SDK1: variants seen among roughly 807,000 people sequenced by gnomAD.
The protein encoded by SDK1 is protein sidekick-1.
SDK1 carries 157 observed loss-of-function variants against 245.5 expected under a neutral mutation model. The ratio of observed to expected loss-of-function variants is 0.64; its 90% CI spans 0.56 to 0.73. SDK1 has a LOEUF of 0.73. SDK1 is among the 30% of genes least tolerant of loss of function. The pLI, the probability that SDK1 is intolerant of heterozygous loss-of-function variation, is 0.00. For synonymous variants in SDK1, 1,647 were observed against 1,278.5 expected (o/e 1.29, Z -6.15); for missense variants, 3,583 against 3,002.3 (o/e 1.19, Z -4.52).
rs905086787 is a variant in SDK1, at chr7:4,241,869, C to G, written c.6207C>G (p.Arg2069=). The change falls in exon 43 of 45, where the codon CGC becomes CGG. Residue 2069 remains arginine (R), a synonymous_variant. Coordinates refer to ENST00000404826, the MANE Select transcript of SDK1 (RefSeq NM_152744.4). ...TTGCTGCCCTGGAGCTCAGCAGCCG[C>G]CACCTCAATGTCAAGAGCACCTTCT... ...GGFAALELSS[R]HLNVKSTFSK... is the part of the protein sequence containing the mutation. The G allele has an allele frequency of 1.9e-6, 3 of 1,614,104 alleles. No homozygotes were observed. The highest frequency in any genetic ancestry group is 2.5e-6 in the Non-Finnish European group (3 of 1,180,040).
intron 5 of SDK1, among the ~76,000 whole-genome samples, chr7:3,894,197 C>A (rs1004752417): frequency 6.6e-6 from 1 of 152,140 alleles, no homozygotes; most frequent in African/African-American, 2.4e-5. Context: ...TAATGTACTA[C>A]CGATGGTATT....
rs1554256842 is a variant in SDK1 at position 3,742,012 on chromosome 7, A to ATATATATATG, written c.714-79437_714-79436insATATATATGT. ...CATATATATATATATATATATATAT[A>ATATATATATG]TGCTGTATTTTTAAACTGATTTTAG... On this transcript the variant is annotated intron_variant, in intron 4 of 44. Coordinates refer to ENST00000404826, the MANE Select transcript of SDK1 (RefSeq NM_152744.4). 1.4e-3 allele frequency among the ~76,000 whole-genome samples: 205 copies of ATATATATATG among 145,276 alleles called. 1 individual carries two copies. The highest frequency in any genetic ancestry group is 2.5e-3 in the Non-Finnish European group (163 of 65,946).
chr7:3,317,145 C>G lies in SDK1; in HGVS notation c.298+15261C>G, dbSNP rs568971741. 1.8e-4 allele frequency among the ~76,000 whole-genome samples: 21 copies of G among 115,160 alleles called. No homozygotes were observed. The South Asian group carries it at 5.7e-3, about 31-fold the overall frequency. The allele number at this position is 115,160 out of a possible 152,430, so 75.5% of individuals were successfully genotyped here. On this transcript the variant is annotated intron_variant, in intron 1 of 44. Coordinates refer to ENST00000404826, the MANE Select transcript of SDK1 (RefSeq NM_152744.4). ...GCAGTGAGCCATGACCGCACCACTG[C>G]ATTCCAACCTGGGCAACAGAGTGAG... is the stretch of plus-strand genomic sequence containing the variant.
At chr7:4,210,422 T>C (rs748491391) in intron 38 of SDK1, among the ~76,000 whole-genome samples, 2 of 152,202 alleles carry the variant, frequency 1.3e-5, no homozygotes, top group Non-Finnish European at 2.9e-5. Context: ...ACTCTCCCTC[T>C]GAAGCCGTGT....
chr7:3,845,835 G>A (rs1165438802), intron 5 of SDK1, among the ~76,000 whole-genome samples: 2 of 152,078 alleles, frequency 1.3e-5, no homozygotes, highest in African/African-American at 2.4e-5. Flanking sequence ...TAAATTACTG[G>A]TACATTTAGA....
At chr7:3,398,726 C>G (rs1778799597) in intron 1 of SDK1, among the ~76,000 whole-genome samples, 2 of 148,606 alleles carry the variant, frequency 1.3e-5, no homozygotes, top group Admixed American at 1.3e-4. Context: ...GGGGGTAAAA[C>G]TTATGAAAGT....
At chr7:3,596,550 C>T (rs762055505) in intron 1 of SDK1, among the ~76,000 whole-genome samples, 3 of 152,168 alleles carry the variant, frequency 2.0e-5, no homozygotes, top group Non-Finnish European at 4.4e-5. Context: ...TTGTGACCAC[C>T]TCCTCACTCC....
At chr7:3,615,838 A>C (rs143856941) in intron 1 of SDK1, among the ~76,000 whole-genome samples, 1 of 143,420 alleles carries the variant, frequency 7.0e-6, no homozygotes, top group African/African-American at 2.5e-5. Context: ...ATGTTCTTTT[A>C]ACAACACAAT....
chr7:4,264,982 G>C (rs1270663619), intron 44 of SDK1, 142 bp from the exon 45 acceptor site: 1 of 1,304,104 alleles, frequency 7.7e-7, no homozygotes, highest in Non-Finnish European at 1.0e-6. Context: ...GGAGGGCCTG[G>C]CATTGGGTTG....
chr7:4,148,288 T>G (rs1780122116), intron 29 of SDK1, among the ~76,000 whole-genome samples: 1 of 152,212 alleles, frequency 6.6e-6, no homozygotes, highest in Non-Finnish European at 1.5e-5. Flanking sequence ...ACGCCACGCA[T>G]TCTAATCAGA....
At chr7:4,258,464 C>T (rs140378767) in intron 44 of SDK1, among the ~76,000 whole-genome samples, 135 of 152,340 alleles carry the variant, frequency 8.9e-4, no homozygotes, top group African/African-American at 3.2e-3. Flanking sequence ...CCCCACCATG[C>T]AGAGACGCTT....
At chr7:3,632,949 A>ATTTCATGTAAG (rs1782342346) in intron 2 of SDK1, among the ~76,000 whole-genome samples, 1 of 152,180 alleles carries the variant, frequency 6.6e-6, no homozygotes, top group Non-Finnish European at 1.5e-5. Context: ...GATTTTTTAA[A>ATTTCATGTAAG]TTTCATGTAG....
At chr7:3,781,625 T>C (rs1023216200) in intron 4 of SDK1, among the ~76,000 whole-genome samples, 2 of 152,002 alleles carry the variant, frequency 1.3e-5, no homozygotes, top group African/African-American at 2.4e-5. Context: ...ATAGTACTCA[T>C]AAAGAAGTTC....
intron 5 of SDK1, among the ~76,000 whole-genome samples, chr7:3,931,050 AGTGT>A (rs1779958982): frequency 1.3e-5 from 2 of 152,384 alleles, no homozygotes; most frequent in South Asian, 4.1e-4. Flanking sequence ...TTTCTAAATA[AGTGT>A]GCATAAAAAT....
At chr7:3,622,970 C>T (rs1781990657) in intron 2 of SDK1, among the ~76,000 whole-genome samples, 1 of 152,006 alleles carries the variant, frequency 6.6e-6, no homozygotes, top group Non-Finnish European at 1.5e-5. Context: ...CTTTCATCTA[C>T]TTCCTTCCAG....
chr7:3,845,381 T>G (rs1405655204), intron 5 of SDK1, among the ~76,000 whole-genome samples: 1 of 150,492 alleles, frequency 6.6e-6, no homozygotes, highest in Non-Finnish European at 1.5e-5. Flanking sequence ...TCCCAGCTAC[T>G]TAGGAGGCAG....
intron 34 of SDK1, among the ~76,000 whole-genome samples, chr7:4,177,462 C>G (rs627121): frequency 6.6e-6 from 1 of 152,212 alleles, no homozygotes; most frequent in East Asian, 1.9e-4. Flanking sequence ...CAGCAGCCCA[C>G]GCCCGTTCTT....
At chr7:3,618,433 C>T (rs1486824804) in intron 1 of SDK1, among the ~76,000 whole-genome samples, 1 of 152,270 alleles carries the variant, frequency 6.6e-6, no homozygotes, top group East Asian at 1.9e-4. Context: ...AAAATTCTGT[C>T]TGGCTTCTTT....
intron 15 of SDK1, 47 bp downstream of exon 15, chr7:4,011,160 T>C: frequency 6.3e-7 from 1 of 1,596,898 alleles, no homozygotes; most frequent in African/African-American, 1.3e-5. Flanking sequence ...GCCGGGGGCC[T>C]GAATGCCAAA....
Sources: gnomAD v4.1 joint callset for allele counts (sites outside exome capture counted in the v4.1 genomes callset) on GRCh38, gnomAD v4.1.1 for gene constraint, MANE v1.5 for transcripts, NCBI Gene and HGNC (gene_info 2026-07-23, HGNC 2026-07-21) for gene names.